BAK1: variants seen among roughly 807,000 people sequenced by gnomAD.
The protein encoded by BAK1 is bcl-2 homologous antagonist/killer.
A neutral mutation model predicts 24.7 loss-of-function variants in BAK1; 19 were observed. That is an observed-to-expected ratio of 0.77 (90% CI 0.54 to 1.13). The LOEUF is 1.13. BAK1 is among the 50% of genes most tolerant of loss of function. BAK1 has a pLI of 0.00. For synonymous variants in BAK1, 86 were observed against 107.3 expected (o/e 0.80, Z 1.23); for missense variants, 194 against 279.4 (o/e 0.69, Z 2.18).
intron 4 of BAK1, chr6:33,574,449 C>T (rs1762810254): frequency 2.7e-6 from 4 of 1,502,024 alleles, no homozygotes; most frequent in Non-Finnish European, 3.6e-6. Flanking sequence ...TCAGGTGCAA[C>T]GGGGCACAGA....
chr6:33,577,514 AG>A lies in BAK1; in HGVS notation c.70+20del. ...AGCACTCATGGTTATGGGATGGGTG[AG>A]GGGGCAGGAAGACCCTTACCAGAAG... On this transcript the variant is annotated intron_variant, in intron 2 of 5. Coordinates refer to ENST00000374467, the MANE Select transcript of BAK1 (RefSeq NM_001188.4). The surrounding 1 kb of genome is among the most constrained non-coding windows in gnomAD (Gnocchi z 4.6). 1 of 1,536,196 alleles carries A rather than the reference AG, an allele frequency of 6.5e-7. No individual in the cohort carries two copies. Among genetic ancestry groups the A allele is most frequent in the Non-Finnish European group, 8.8e-7 (1 of 1,137,224 alleles).
Position 33,575,606 on chromosome 6 carries a change from G to A in BAK1, c.207-165C>T. 4.8e-6 allele frequency: 6 copies of A among 1,243,344 alleles called. 1 individual carries two copies. The South Asian group carries it at 8.6e-5, about 18-fold the overall frequency. 77.0% of individuals were successfully genotyped at this position (1,243,344 alleles called of 1,614,324 possible). A position where few individuals can be genotyped will look rare whatever the true frequency, so the allele number is the denominator to read the frequency against. On this transcript the variant is annotated intron_variant, in intron 3 of 5. Transcript: ENST00000374467. This position sits in a 1 kb window ranked among gnomAD's most constrained non-coding sequence, Gnocchi z 6.3. ...CATGAGTGCTGGGCTCCAGGAGAAG[G>A]GGCAGGCATGGGCTAAAAAGGATAC... is the stretch of plus-strand genomic sequence containing the variant.
chr6:33,577,713 G>T lies in BAK1; in HGVS notation c.-31-78C>A. The T allele has an allele frequency of 2.0e-6, 2 of 989,192 alleles. No homozygotes were observed. Among genetic ancestry groups the T allele is most frequent in the African/African-American group, 1.6e-5 (1 of 61,104 alleles). The allele number at this position is 989,192 out of a possible 1,614,324, so 61.3% of individuals were successfully genotyped here. On this transcript the variant is annotated intron_variant, in intron 1 of 5. Coordinates refer to ENST00000374467, the MANE Select transcript of BAK1 (RefSeq NM_001188.4). The surrounding 1 kb of genome is among the most constrained non-coding windows in gnomAD (Gnocchi z 4.6). ...CTGGGGACCCCATACAGGTTGCCAT[G>T]TCCACATAGGAGAGAGGATCCCCCA... is the stretch of plus-strand genomic sequence containing the variant.
Position 33,575,713 on chromosome 6 carries a change from C to T in BAK1, c.206+80G>A. On this transcript the variant is annotated intron_variant, in intron 3 of 5. Coordinates refer to ENST00000374467, the MANE Select transcript of BAK1 (RefSeq NM_001188.4). This position sits in a 1 kb window ranked among gnomAD's most constrained non-coding sequence, Gnocchi z 6.3. ...GGCAAGACCCCCGAGGCCTCCCCAG[C>T]TCCCAGGACCTGCACAGAGACCCAT... 6.4e-7 allele frequency: 1 copy of T among 1,559,654 alleles called. No homozygotes were observed. Among genetic ancestry groups the T allele is most frequent in the Non-Finnish European group, 8.7e-7 (1 of 1,152,484 alleles).
chr6:33,578,499 T>C lies in BAK1; in HGVS notation c.-31-864A>G, dbSNP rs145968702. 7.7e-4 allele frequency among the ~76,000 whole-genome samples: 117 copies of C among 152,278 alleles called. No homozygotes were observed. The highest frequency in any genetic ancestry group is 2.7e-3 in the African/African-American group (112 of 41,554). On this transcript the variant is annotated intron_variant, in intron 1 of 5. Coordinates refer to ENST00000374467, the MANE Select transcript of BAK1 (RefSeq NM_001188.4). This position sits in a 1 kb window ranked among gnomAD's most constrained non-coding sequence, Gnocchi z 4.8. ...TTTCCAGTTTGTGGACCTCAGAGTG[T>C]GTTCTTTCTCAGGGCAACTTTCCCT...
intron 1 of BAK1, among the ~76,000 whole-genome samples, chr6:33,579,114 G>C (rs542821389): frequency 6.6e-6 from 1 of 152,186 alleles, no homozygotes; most frequent in Non-Finnish European, 1.5e-5. Flanking sequence ...CTTTGCAGCC[G>C]GGCATAGTGG....
rs1762865223 is a variant in BAK1, at chr6:33,577,423, C to T, written c.70+112G>A. ...GCCCGTGGGTGGGGAAGAGTATTCC[C>T]CACCCACAGTGGGTGAACCGAGGCG... On this transcript the variant is annotated intron_variant, in intron 2 of 5. Transcript: ENST00000374467. This position sits in a 1 kb window ranked among gnomAD's most constrained non-coding sequence, Gnocchi z 4.6. 9.4e-7 allele frequency: 1 copy of T among 1,059,832 alleles called. No individual in the cohort carries two copies. 65.7% of individuals were successfully genotyped at this position (1,059,832 alleles called of 1,614,324 possible). A position where few individuals can be genotyped will look rare whatever the true frequency, so the allele number is the denominator to read the frequency against.
In BAK1 at chr6:33,574,141, C is replaced by T. The variant is rs376712748; in HGVS notation, c.424G>A (p.Val142Ile). Residue 142 changes from valine to isoleucine, a missense_variant, in exon 5 of 6, where the codon GTC becomes ATC. Transcript: ENST00000374467. ...LGFGYRLALH[V>I]YQHGLTGFLG... ...AAGCCAGTCAGGCCATGCTGGTAGA[C>T]GTGTAGGGCCAGACGGTAGCCGAAG... 9.6e-5 allele frequency: 155 copies of T among 1,614,032 alleles called. No homozygotes were observed. Among genetic ancestry groups the T allele is most frequent in the Non-Finnish European group, 1.2e-4 (140 of 1,180,032 alleles).
chr6:33,575,892 C>T lies in BAK1; in HGVS notation c.107G>A (p.Arg36His), dbSNP rs201643389. The change falls in exon 3 of 6, where the codon CGC becomes CAC. Residue 36 changes from arginine to histidine, a missense_variant. Physicochemically the swap from Arg to His is conservative, Grantham distance 29. Transcript: ENST00000374467. The surrounding 1 kb of genome is among the most constrained non-coding windows in gnomAD (Gnocchi z 6.3). Reference sequence around the variant, plus strand: ...CTGATGGCGGTAAAAAACGTAGCTGCGGAAAACCTCCTCTGTGTCCTGGGC... The same window carrying T: ...CTGATGGCGGTAAAAAACGTAGCTGTGGAAAACCTCCTCTGTGTCCTGGGC... ...QVAQDTEEVF[R>H]SYVFYRHQQE... is the part of the protein sequence containing the mutation. 40 of 1,614,126 alleles carry T rather than the reference C, an allele frequency of 2.5e-5. No individual in the cohort carries two copies. Among genetic ancestry groups the T allele is most frequent in the East Asian group, 1.1e-4 (5 of 44,876 alleles).
In BAK1 at chr6:33,573,712, G is replaced by A; in HGVS notation, c.*91C>T. The A allele has an allele frequency of 9.7e-7, 1 of 1,026,736 alleles. No individual in the cohort carries two copies. The highest frequency in any genetic ancestry group is 1.5e-6 in the Non-Finnish European group (1 of 679,034). The allele number at this position is 1,026,736 out of a possible 1,614,324, so 63.6% of individuals were successfully genotyped here. ...TGCTAAAGCTTCTGTACTCTTGAGG[G>A]GGGACCCCTGCAAGGGAACAGAGAA... On this transcript the variant is annotated 3_prime_UTR_variant, in exon 6 of 6. Transcript: ENST00000374467.
rs752492898 is a variant in BAK1, at chr6:33,575,197, G to A, written c.350+101C>T. On this transcript the variant is annotated intron_variant, in intron 4 of 5. Coordinates refer to ENST00000374467, the MANE Select transcript of BAK1 (RefSeq NM_001188.4). The surrounding 1 kb of genome is among the most constrained non-coding windows in gnomAD (Gnocchi z 6.3). ...CAGCAGACATTGGACACTGACAGAA[G>A]GCTTCTCCCCATGCCAGGAGAGCAT... The A allele has an allele frequency of 7.7e-6, 12 of 1,549,282 alleles. No individual in the cohort carries two copies. The highest frequency in any genetic ancestry group is 1.4e-5 in the African/African-American group (1 of 73,546).
chr6:33,574,422 A>G (rs1582065038), intron 4 of BAK1: 2 of 1,491,380 alleles, frequency 1.3e-6, no homozygotes, highest in Non-Finnish European at 1.8e-6. Flanking sequence ...GCTGGATGCC[A>G]CTGCTGGGGT....
Position 33,573,656 on chromosome 6 carries a change from G to A in BAK1, c.*147C>T, listed in dbSNP as rs2894353. 3 of 712,498 alleles carry A rather than the reference G, an allele frequency of 4.2e-6. No individual in the cohort carries two copies. The highest frequency in any genetic ancestry group is 2.6e-5 in the Admixed American group (1 of 38,050). 44.1% of individuals were successfully genotyped at this position (712,498 alleles called of 1,614,324 possible). On this transcript the variant is annotated 3_prime_UTR_variant, in exon 6 of 6. Transcript: ENST00000374467. ...CCTCTGCAGCCTGACTGGCCCCCAC[G>A]CAGGGGCCCTCCGAAGCTGGAGTGC...
At chr6:33,574,642 G>T in intron 4 of BAK1, 1 of 854,802 alleles carries the variant, frequency 1.2e-6, no homozygotes, top group Non-Finnish European at 1.7e-6. Context: ...TCAGCTCTGA[G>T]CACTAATTCT....
At position 33,573,788 on chromosome 6, in the gene BAK1, G is replaced by C; in HGVS notation, c.*15C>G. The C allele has an allele frequency of 6.2e-7, 1 of 1,610,648 alleles. No homozygotes were observed. The highest frequency in any genetic ancestry group is 1.7e-5 in the Admixed American group (1 of 60,010). ...CAGGGGTCTGAACCGGGACCCCAAAGGGCACCCTTGGGAGTCATGATTTGA... is the reference window on the plus strand; with the variant it reads ...CAGGGGTCTGAACCGGGACCCCAAACGGCACCCTTGGGAGTCATGATTTGA... On this transcript the variant is annotated 3_prime_UTR_variant, in exon 6 of 6. Transcript: ENST00000374467.
Position 33,575,694 on chromosome 6 carries a change from A to G in BAK1, c.206+99T>C. 4 of 1,514,666 alleles carry G rather than the reference A, an allele frequency of 2.6e-6. 1 individual carries two copies. The South Asian group carries it at 5.0e-5, about 19-fold the overall frequency. The allele number at this position is 1,514,666 out of a possible 1,614,324, so 93.8% of individuals were successfully genotyped here. A position where few individuals can be genotyped will look rare whatever the true frequency, so the allele number is the denominator to read the frequency against. On this transcript the variant is annotated intron_variant, in intron 3 of 5. Coordinates refer to ENST00000374467, the MANE Select transcript of BAK1 (RefSeq NM_001188.4). This position sits in a 1 kb window ranked among gnomAD's most constrained non-coding sequence, Gnocchi z 6.3. ...GGAGCAACCATGAGAGAAGGGCAAG[A>G]CCCCCGAGGCCTCCCCAGCTCCCAG...
chr6:33,576,728 A>G (rs1198151103), intron 2 of BAK1, among the ~76,000 whole-genome samples: 1 of 151,560 alleles, frequency 6.6e-6, no homozygotes. Context: ...CCGCCCCTAG[A>G]GCTTATGCTG....
Position 33,577,131 on chromosome 6 carries a change from T to G in BAK1, c.70+404A>C, listed in dbSNP as rs556815195. Among the ~76,000 whole-genome samples, 25 of 152,218 alleles carry G rather than the reference T, an allele frequency of 1.6e-4. No individual in the cohort carries two copies. Among genetic ancestry groups the G allele is most frequent in the Non-Finnish European group, 2.9e-4 (20 of 68,006 alleles). Reference sequence around the variant, plus strand: ...GAAGGAGGGCAGCCATCTTACTTCCTCCCCAAGTCACAATAATTGCGTTCC... The same window carrying G: ...GAAGGAGGGCAGCCATCTTACTTCCGCCCCAAGTCACAATAATTGCGTTCC... On this transcript the variant is annotated intron_variant, in intron 2 of 5. Transcript: ENST00000374467. The surrounding 1 kb of genome is among the most constrained non-coding windows in gnomAD (Gnocchi z 4.6).
At position 33,578,386 on chromosome 6, in the gene BAK1, C is replaced by T. The variant is rs965036579; in HGVS notation, c.-31-751G>A. 6.6e-6 allele frequency among the ~76,000 whole-genome samples: 1 copy of T among 152,194 alleles called. No homozygotes were observed. The highest frequency in any genetic ancestry group is 1.5e-5 in the Non-Finnish European group (1 of 68,024). ...AAAGTGAGGCACAAAGAGTTGAGTG[C>T]CCGAGGTCACATCGTTAGTCACGGA... On this transcript the variant is annotated intron_variant, in intron 1 of 5. Transcript: ENST00000374467. This position sits in a 1 kb window ranked among gnomAD's most constrained non-coding sequence, Gnocchi z 4.8.
Sources: allele counts gnomAD v4.1 joint callset (sites outside exome capture counted in the v4.1 genomes callset), GRCh38; gene constraint gnomAD v4.1.1; non-coding constraint Gnocchi (gnomAD v3.1); transcripts MANE v1.5; gene names NCBI Gene and HGNC (gene_info 2026-07-23, HGNC 2026-07-21).